PLXDC2: variants seen among roughly 807,000 people sequenced by gnomAD.
PLXDC2 encodes the protein plexin domain-containing protein 2.
PLXDC2 carries 40 observed loss-of-function variants against 68.9 expected under a neutral mutation model. The observed-to-expected ratio is 0.58, with a 90% CI of 0.45 to 0.76. The LOEUF (loss-of-function observed/expected upper bound fraction) is 0.76. Among genes scored for constraint, PLXDC2 ranks in the 30% least tolerant of loss-of-function variants. The pLI is 0.00. For synonymous variants in PLXDC2, 243 were observed against 234.2 expected, an observed-to-expected ratio of 1.04 and a Z score of -0.34; for missense variants, 644 against 661.9, an observed-to-expected ratio of 0.97 and a Z score of 0.30.
At chr10:20,157,212 T>C (rs1834228958) in intron 6 of PLXDC2, among the ~76,000 whole-genome samples, 1 of 152,214 alleles carries the variant, frequency 6.6e-6, no homozygotes, top group African/African-American at 2.4e-5. Context: ...CAGAAACCTT[T>C]GAGTTTATTG....
chr10:19,939,485 A>G (rs995825148), intron 1 of PLXDC2, among the ~76,000 whole-genome samples: 7 of 152,262 alleles, frequency 4.6e-5, no homozygotes, highest in African/African-American at 1.4e-4. Context: ...TAGGGACATG[A>G]TTTCTCCAAG....
At chr10:19,892,921 CTTTT>C (rs61406547) in intron 1 of PLXDC2, among the ~76,000 whole-genome samples, 8 of 130,500 alleles carry the variant, frequency 6.1e-5, no homozygotes, top group Admixed American at 2.4e-4. Context: ...TTGAAATGGT[CTTTT>C]TTTTTTTTTT....
At chr10:19,891,578 C>T (rs1396942888) in intron 1 of PLXDC2, among the ~76,000 whole-genome samples, 1 of 152,176 alleles carries the variant, frequency 6.6e-6, no homozygotes, top group East Asian at 1.9e-4. Flanking sequence ...AGCCATGGGT[C>T]TCCACCTCTG....
intron 11 of PLXDC2, among the ~76,000 whole-genome samples, chr10:20,218,219 A>G (rs980272180): frequency 6.6e-6 from 1 of 152,146 alleles, no homozygotes; most frequent in African/African-American, 2.4e-5. Flanking sequence ...TACCACCAGG[A>G]GGGAGAGGGC....
At chr10:20,169,945 T>C (rs570091808) in intron 7 of PLXDC2, among the ~76,000 whole-genome samples, 1 of 152,300 alleles carries the variant, frequency 6.6e-6, no homozygotes, top group Admixed American at 6.5e-5. Flanking sequence ...ACATCAGGCC[T>C]CTTCGTATCA....
chr10:20,261,395 T>C (rs1835806820), intron 13 of PLXDC2, among the ~76,000 whole-genome samples: 1 of 152,164 alleles, frequency 6.6e-6, no homozygotes, highest in Non-Finnish European at 1.5e-5. Context: ...TCCAGTTTCA[T>C]CATATTTTTA....
At chr10:20,257,305 A>G (rs918937447) in intron 13 of PLXDC2, among the ~76,000 whole-genome samples, 4 of 152,210 alleles carry the variant, frequency 2.6e-5, no homozygotes, top group African/African-American at 7.2e-5. Flanking sequence ...ACCTGTCCCT[A>G]TAAATCTAGG....
chr10:19,932,079 A>G (rs1833646445), intron 1 of PLXDC2, among the ~76,000 whole-genome samples: 1 of 152,130 alleles, frequency 6.6e-6, no homozygotes, highest in Non-Finnish European at 1.5e-5. Context: ...TGCTGTTCAA[A>G]TAACCTGTCA....
intron 4 of PLXDC2, among the ~76,000 whole-genome samples, chr10:20,072,470 GAA>G (rs1836339883): frequency 8.5e-6 from 1 of 116,990 alleles, no homozygotes; most frequent in Non-Finnish European, 1.8e-5. Context: ...AAGAAAGAAA[GAA>G]AGAAGGAACA....
Position 20,046,880 on chromosome 10 carries a change from C to T in PLXDC2, c.336C>T (p.Asp112=). 6.2e-7 allele frequency: 1 copy of T among 1,610,086 alleles called. No individual in the cohort carries two copies. Among genetic ancestry groups the T allele is most frequent in the Non-Finnish European group, 8.5e-7 (1 of 1,178,166 alleles). The change falls in exon 3 of 14, where the codon GAC becomes GAT. Residue 112 remains aspartate (D), a synonymous_variant. Transcript: ENST00000377252. ...ATCTATTATTGCAGGAGGATACAGA[C>T]CACAATTACTATATATCTCGAATAT... is the stretch of plus-strand genomic sequence containing the variant. ...DNNTQIEEDT[D]HNYYISRIYG... is the part of the protein sequence containing the mutation.
chr10:20,254,856 T>C (rs563609346), intron 13 of PLXDC2, among the ~76,000 whole-genome samples: 9 of 152,328 alleles, frequency 5.9e-5, no homozygotes, highest in African/African-American at 2.2e-4. Context: ...TTCATGAACA[T>C]CACTGAATGT....
intron 1 of PLXDC2, among the ~76,000 whole-genome samples, chr10:19,926,018 C>T (rs1053587304): frequency 1.1e-4 from 17 of 152,056 alleles, no homozygotes; most frequent in African/African-American, 3.4e-4. Flanking sequence ...GCAGCAACCT[C>T]GGGGAGCTGA....
At chr10:19,929,602 A>T (rs1589541630) in intron 1 of PLXDC2, among the ~76,000 whole-genome samples, 1 of 152,208 alleles carries the variant, frequency 6.6e-6, no homozygotes, top group East Asian at 1.9e-4. Flanking sequence ...TACACGTGCC[A>T]ACACACACAG....
intron 3 of PLXDC2, among the ~76,000 whole-genome samples, chr10:20,053,120 A>G (rs1248855732): frequency 6.6e-6 from 1 of 152,112 alleles, no homozygotes; most frequent in Non-Finnish European, 1.5e-5. Context: ...CTTAGAAATC[A>G]TTTAATTCAC....
intron 6 of PLXDC2, among the ~76,000 whole-genome samples, chr10:20,160,210 A>G (rs1380643877): frequency 6.6e-6 from 1 of 152,196 alleles, no homozygotes; most frequent in African/African-American, 2.4e-5. Flanking sequence ...TCTAGTAGAC[A>G]TCATTCTTAG....
chr10:20,107,757 T>G (rs1833510560), intron 4 of PLXDC2, among the ~76,000 whole-genome samples: 1 of 152,140 alleles, frequency 6.6e-6, no homozygotes, highest in Non-Finnish European at 1.5e-5. Context: ...TTTATAGTAT[T>G]TTAGCTTTTG....
chr10:20,061,127 A>G (rs1836095417), intron 3 of PLXDC2, among the ~76,000 whole-genome samples: 1 of 152,226 alleles, frequency 6.6e-6, no homozygotes, highest in Non-Finnish European at 1.5e-5. Flanking sequence ...GACAATATCA[A>G]CAAATTCACG....
At chr10:20,109,474 A>T (rs1833530960) in intron 4 of PLXDC2, among the ~76,000 whole-genome samples, 1 of 142,622 alleles carries the variant, frequency 7.0e-6, no homozygotes, top group Admixed American at 6.7e-5. Context: ...ACATTACATT[A>T]TATTTCCAGT....
chr10:19,920,916 T>G (rs1256398065), intron 1 of PLXDC2, among the ~76,000 whole-genome samples: 1 of 151,914 alleles, frequency 6.6e-6, no homozygotes, highest in African/African-American at 2.4e-5. Context: ...TTTATTATTT[T>G]TATTACTTTA....
Sources: allele counts gnomAD v4.1 joint callset (sites outside exome capture counted in the v4.1 genomes callset), GRCh38; gene constraint gnomAD v4.1.1; transcripts MANE v1.5; gene names NCBI Gene and HGNC (gene_info 2026-07-23, HGNC 2026-07-21).